ATG10: variants seen among roughly 807,000 people sequenced by gnomAD.
ATG10 encodes autophagy related 10, also known as ubiquitin-like-conjugating enzyme ATG10.
Under a neutral mutation model 32.1 loss-of-function variants are expected in ATG10, and 30 were observed. The observed-to-expected ratio is 0.94, with a 90% CI of 0.70 to 1.27. The LOEUF (loss-of-function observed/expected upper bound fraction) is 1.27. ATG10 is among the 50% of genes most tolerant of loss of function. The pLI is 0.00. For missense variants in ATG10, 233 were observed against 262.3 expected, an observed-to-expected ratio of 0.89 and a Z score of 0.77; for synonymous variants, 87 against 91.5, an observed-to-expected ratio of 0.95 and a Z score of 0.28.
chr5:82,230,315 A>G lies in ATG10; in HGVS notation c.454-22247A>G, dbSNP rs575397534. On this transcript the variant is annotated intron_variant, in intron 5 of 7. Transcript: ENST00000282185. ...TGTAGTTTCATCTTTTTGGAGGGAA[A>G]TGTGATCATACAAATCAACAAATAC... Among the ~76,000 whole-genome samples, 23 of 152,374 alleles carry G rather than the reference A, an allele frequency of 1.5e-4. No individual in the cohort carries two copies. In the South Asian group the frequency reaches 3.9e-3, roughly 26 times the overall value.
chr5:82,007,749 C>G (rs749409182), intron 2 of ATG10, among the ~76,000 whole-genome samples: 1 of 152,166 alleles, frequency 6.6e-6, no homozygotes, highest in Non-Finnish European at 1.5e-5. Flanking sequence ...ACCACTGTGA[C>G]AGGCTGGAAT....
At chr5:82,180,497 C>T (rs527383787) in intron 5 of ATG10, among the ~76,000 whole-genome samples, 8 of 152,156 alleles carry the variant, frequency 5.3e-5, no homozygotes, top group African/African-American at 1.9e-4. Context: ...TTGGCAAGAA[C>T]ATTTTATTTT....
At position 82,130,081 on chromosome 5, in the gene ATG10, G is replaced by A. The variant is rs373581330; in HGVS notation, c.217-34318G>A. 1.4e-4 allele frequency among the ~76,000 whole-genome samples: 22 copies of A among 152,310 alleles called. No individual in the cohort carries two copies. The East Asian group carries it at 2.9e-3, about 20-fold the overall frequency. On this transcript the variant is annotated intron_variant, in intron 3 of 7. Transcript: ENST00000282185. ...CTAGAGAGACAGTCTGGCTGCAGCC[G>A]CTTTGCCAAGCTGCGGCGGGCTCCG...
chr5:82,202,283 C>A (rs1475425013), intron 5 of ATG10, among the ~76,000 whole-genome samples: 2 of 152,040 alleles, frequency 1.3e-5, no homozygotes, highest in Non-Finnish European at 2.9e-5. Context: ...ATATTCAGAT[C>A]AGTAGATTTT....
intron 4 of ATG10, among the ~76,000 whole-genome samples, chr5:82,172,573 GA>G (rs1654541789): frequency 6.6e-6 from 1 of 152,062 alleles, no homozygotes; most frequent in East Asian, 1.9e-4. Flanking sequence ...CTCATGTGAA[GA>G]CAAAAACTGC....
chr5:82,049,376 C>T (rs1351414693), intron 2 of ATG10, among the ~76,000 whole-genome samples: 1 of 124,568 alleles, frequency 8.0e-6, no homozygotes. Flanking sequence ...GGAAGGGGAA[C>T]ATCACACTCT....
chr5:82,204,733 G>A (rs1745216126), intron 5 of ATG10, among the ~76,000 whole-genome samples: 1 of 152,142 alleles, frequency 6.6e-6, no homozygotes, highest in Non-Finnish European at 1.5e-5. Context: ...AATTGACAGT[G>A]TTTGGGGAAA....
At chr5:82,039,676 A>C (rs538905343) in intron 2 of ATG10, among the ~76,000 whole-genome samples, 1 of 152,372 alleles carries the variant, frequency 6.6e-6, no homozygotes, top group Admixed American at 6.5e-5. Context: ...TTAGTAAAAA[A>C]CATTAACACC....
intron 2 of ATG10, among the ~76,000 whole-genome samples, chr5:81,993,218 T>A (rs1761511331): frequency 6.6e-6 from 1 of 152,112 alleles, no homozygotes; most frequent in Admixed American, 6.6e-5. Flanking sequence ...ATAACAATAA[T>A]ACTTACTTTA....
intron 2 of ATG10, chr5:81,991,867 G>T (rs1189826467): frequency 6.6e-6 from 1 of 152,054 alleles, no homozygotes; most frequent in African/African-American, 2.4e-5. Context: ...TAGAGACAGG[G>T]TCTCTGCCAC....
chr5:81,994,776 T>G (rs905131592), intron 2 of ATG10, among the ~76,000 whole-genome samples: 1 of 152,214 alleles, frequency 6.6e-6, no homozygotes, highest in Non-Finnish European at 1.5e-5. Context: ...GTGGTTCTTT[T>G]TATATTAGGA....
At chr5:82,148,416 A>G (rs941156918) in intron 3 of ATG10, among the ~76,000 whole-genome samples, 35 of 152,108 alleles carry the variant, frequency 2.3e-4, no homozygotes, top group African/African-American at 8.2e-4. Context: ...TTCTTTTTAT[A>G]TGCTTATACC....
chr5:82,225,960 T>G (rs1450310446), intron 5 of ATG10, among the ~76,000 whole-genome samples: 1 of 152,164 alleles, frequency 6.6e-6, no homozygotes, highest in Non-Finnish European at 1.5e-5. Context: ...CATCTTAGAG[T>G]GAGTTATACG....
chr5:82,124,240 T>C (rs933012555), intron 3 of ATG10, among the ~76,000 whole-genome samples: 1 of 151,600 alleles, frequency 6.6e-6, no homozygotes, highest in African/African-American at 2.4e-5. Flanking sequence ...CCTGACCTTG[T>C]GATCTGCCCG....
rs1157145667 is a variant in ATG10, at chr5:81,981,614, TA to T, written c.-12-5943del. ...TACTTTATTAGTCAAAAATGATTTTTAATGTTTAAATGTATGCATCGCATGT... is the reference window on the plus strand; with the variant it reads ...TACTTTATTAGTCAAAAATGATTTTTATGTTTAAATGTATGCATCGCATGT... On this transcript the variant is annotated intron_variant, in intron 1 of 7. Coordinates refer to ENST00000282185, the MANE Select transcript of ATG10 (RefSeq NM_031482.5). 2.0e-5 allele frequency among the ~76,000 whole-genome samples: 3 copies of T among 152,242 alleles called. No homozygotes were observed. The East Asian group carries it at 5.8e-4, about 29-fold the overall frequency.
chr5:82,250,298 C>G (rs1489611967), intron 5 of ATG10, among the ~76,000 whole-genome samples: 1 of 152,028 alleles, frequency 6.6e-6, no homozygotes, highest in Non-Finnish European at 1.5e-5. Flanking sequence ...TCGTTCTGAT[C>G]TTTGATTAAG....
In ATG10 at chr5:81,972,287, CAG is replaced by C. The variant is rs1234739356; in HGVS notation, c.-31_-30del. 6.6e-6 allele frequency: 1 copy of C among 152,478 alleles called. No individual in the cohort carries two copies. The highest frequency in any genetic ancestry group is 1.5e-5 in the Non-Finnish European group (1 of 68,208). The allele number at this position is 152,478 out of a possible 1,614,324, so 9.4% of individuals were successfully genotyped here. On this transcript the variant is annotated 5_prime_UTR_variant, in exon 1 of 8. Coordinates refer to ENST00000282185, the MANE Select transcript of ATG10 (RefSeq NM_031482.5). The stretch of plus-strand genomic sequence containing the variant: ...CCCTCGCCGGGCTGGGCTGCGGGGT[CAG>C]GGGCCGAGCGGAGAGGGGTGAGTAT...
intron 3 of ATG10, among the ~76,000 whole-genome samples, chr5:82,128,808 A>G (rs1450515698): frequency 6.6e-6 from 1 of 150,386 alleles, no homozygotes; most frequent in East Asian, 2.0e-4. Flanking sequence ...CTTCATTTCA[A>G]TCTTGGTAAA....
intron 3 of ATG10, among the ~76,000 whole-genome samples, chr5:82,080,575 A>G (rs1764441117): frequency 1.3e-5 from 2 of 152,182 alleles, no homozygotes; most frequent in South Asian, 2.1e-4. Flanking sequence ...TCAGCTTTCC[A>G]TATATGGCTA....
Sources: allele counts gnomAD v4.1 joint callset (sites outside exome capture counted in the v4.1 genomes callset), GRCh38; gene constraint gnomAD v4.1.1; transcripts MANE v1.5; gene names NCBI Gene and HGNC (gene_info 2026-07-23, HGNC 2026-07-21).